PCDH11X: variants seen among roughly 807,000 people sequenced by gnomAD.
PCDH11X encodes the protein protocadherin-11 X-linked.
PCDH11X carries 18 observed loss-of-function variants against 53.3 expected under a neutral mutation model. The observed-to-expected ratio is 0.34, with a 90% CI of 0.23 to 0.50. The LOEUF is 0.50. PCDH11X is among the 20% of genes least tolerant of loss of function. PCDH11X has a pLI of 0.98. For synonymous variants in PCDH11X, 279 were observed against 393.3 expected (o/e 0.71, Z 3.44); for missense variants, 570 against 1,032.4 (o/e 0.55, Z 6.14).
rs780880701 is a variant in PCDH11X, at chrX:91,856,650, G to GA, written c.541-20131_541-20130insA. ...CAGTGTGTGGTGTTCCCCTCCCTGT[G>GA]TCCATGCGTTCTCGTTGTTCAGATC... On this transcript the variant is annotated intron_variant, in intron 5 of 10. Transcript: ENST00000682573. Among the ~76,000 whole-genome samples the GA allele has an allele frequency of 1.9e-4, 21 of 110,187 alleles. No homozygotes were observed. In the South Asian group the frequency reaches 7.5e-3, roughly 40 times the overall value.
chrX:92,343,084 G>A (rs1377377970), intron 8 of PCDH11X, among the ~76,000 whole-genome samples: 6 of 111,569 alleles, frequency 5.4e-5, no homozygotes, highest in African/African-American at 2.0e-4. Flanking sequence ...GTTGGCTTGG[G>A]ACTAAACACC....
chrX:92,336,785 C>A (rs1008046917), intron 8 of PCDH11X, among the ~76,000 whole-genome samples: 1 of 111,356 alleles, frequency 9.0e-6, no homozygotes, highest in African/African-American at 3.3e-5. Context: ...GAATTTTGAG[C>A]CAATTAGTTC....
chrX:92,404,253 A>AT (rs1312005019), intron 9 of PCDH11X, among the ~76,000 whole-genome samples: 1 of 103,941 alleles, frequency 9.6e-6, no homozygotes, highest in Non-Finnish European at 1.9e-5. Flanking sequence ...GTTTCTTTCA[A>AT]TATTGTCTGT....
At chrX:92,021,031 AG>A (rs1373149084) in intron 6 of PCDH11X, among the ~76,000 whole-genome samples, 1 of 108,641 alleles carries the variant, frequency 9.2e-6, no homozygotes, top group Non-Finnish European at 1.9e-5. Flanking sequence ...ACCCCATCCA[AG>A]GGTCAGCAGC....
chrX:92,615,338 C>T (rs1927848526), intron 10 of PCDH11X, among the ~76,000 whole-genome samples: 1 of 111,371 alleles, frequency 9.0e-6, no homozygotes, highest in Admixed American at 9.5e-5. Context: ...TGGATTTCTG[C>T]ATGGAGGTGG....
intron 5 of PCDH11X, among the ~76,000 whole-genome samples, chrX:91,850,900 T>A (rs1238037339): frequency 2.7e-5 from 3 of 111,484 alleles, no homozygotes; most frequent in African/African-American, 9.8e-5. Context: ...CTGTATACTG[T>A]TGAAGCATTT....
chrX:91,959,196 A>T (rs1356035623), intron 6 of PCDH11X, among the ~76,000 whole-genome samples: 8 of 107,402 alleles, frequency 7.4e-5, no homozygotes, highest in African/African-American at 2.7e-4. Flanking sequence ...GTTTATAATA[A>T]AGTGCACAGC....
chrX:92,366,432 A>G lies in PCDH11X; in HGVS notation c.3145-21303A>G, dbSNP rs758173244. On this transcript the variant is annotated intron_variant, in intron 8 of 10. Transcript: ENST00000682573. ...ATCTGTTTTTTAAAAAAATCTTTTCATAAAACCGGTTCCTGGATTCACTGA... is the reference window on the plus strand; with the variant it reads ...ATCTGTTTTTTAAAAAAATCTTTTCGTAAAACCGGTTCCTGGATTCACTGA... Among the ~76,000 whole-genome samples the G allele has an allele frequency of 9.0e-5, 10 of 110,689 alleles. No homozygotes were observed. In the East Asian group the frequency reaches 2.9e-3, roughly 32 times the overall value.
At chrX:91,913,964 A>G (rs901778826) in intron 6 of PCDH11X, among the ~76,000 whole-genome samples, 1 of 110,758 alleles carries the variant, frequency 9.0e-6, no homozygotes, top group Non-Finnish European at 1.9e-5. Context: ...AGCATACTAA[A>G]CATATTAACA....
intron 10 of PCDH11X, among the ~76,000 whole-genome samples, chrX:92,596,989 C>A (rs1304346980): frequency 1.8e-5 from 2 of 111,039 alleles, no homozygotes; most frequent in African/African-American, 6.5e-5. Context: ...ACATTCAATA[C>A]CCCTTAATGA....
At chrX:92,049,245 C>T (rs1468579486) in intron 6 of PCDH11X, among the ~76,000 whole-genome samples, 1 of 111,405 alleles carries the variant, frequency 9.0e-6, no homozygotes, top group African/African-American at 3.3e-5. Flanking sequence ...CCACAAGAGA[C>T]ATTGCAGGAT....
chrX:91,792,891 A>T (rs1376909414), intron 1 of PCDH11X, among the ~76,000 whole-genome samples: 1 of 109,846 alleles, frequency 9.1e-6, no homozygotes, highest in Non-Finnish European at 1.9e-5. Flanking sequence ...ACCCAAGAAC[A>T]TGCTTTGGTT....
chrX:92,470,371 T>C (rs1268710036), intron 10 of PCDH11X, among the ~76,000 whole-genome samples: 2 of 100,767 alleles, frequency 2.0e-5, no homozygotes, highest in African/African-American at 7.2e-5. Flanking sequence ...TTTTTCTAAA[T>C]ATAATATCAT....
chrX:92,500,117 C>G (rs1778307390), intron 10 of PCDH11X, among the ~76,000 whole-genome samples: 1 of 111,090 alleles, frequency 9.0e-6, no homozygotes, highest in Non-Finnish European at 1.9e-5. Flanking sequence ...TTCTTTGACA[C>G]ACAGAATAAA....
At chrX:92,263,239 T>A in intron 8 of PCDH11X, 96 bp downstream of exon 8, 1 of 707,669 alleles carries the variant, frequency 1.4e-6, no homozygotes, top group Non-Finnish European at 2.1e-6. Context: ...AAACTGTAAG[T>A]ACTTAGGATA....
chrX:92,534,626 A>G (rs1341487530), intron 10 of PCDH11X, among the ~76,000 whole-genome samples: 1 of 111,542 alleles, frequency 9.0e-6, no homozygotes, highest in Non-Finnish European at 1.9e-5. Context: ...GGTTGAAATG[A>G]AGGAAAAAAT....
At chrX:91,934,608 T>C (rs1370562491) in intron 6 of PCDH11X, among the ~76,000 whole-genome samples, 1 of 106,365 alleles carries the variant, frequency 9.4e-6, no homozygotes, top group Non-Finnish European at 1.9e-5. Flanking sequence ...CCTTATCCGA[T>C]TCTTCAAAAC....
intron 6 of PCDH11X, among the ~76,000 whole-genome samples, chrX:92,121,278 C>T (rs1219524435): frequency 3.6e-5 from 4 of 110,280 alleles, no homozygotes; most frequent in Non-Finnish European, 3.8e-5. Flanking sequence ...GCCTCAGCCT[C>T]CCAAGTAGCT....
chrX:91,909,444 T>C (rs988332507), intron 6 of PCDH11X, among the ~76,000 whole-genome samples: 3 of 107,456 alleles, frequency 2.8e-5, no homozygotes, highest in Non-Finnish European at 5.8e-5. Context: ...ATGCACCCAA[T>C]TGAAAATCCA....
Sources: gnomAD v4.1 joint callset for allele counts (sites outside exome capture counted in the v4.1 genomes callset) on GRCh38, gnomAD v4.1.1 for gene constraint, MANE v1.5 for transcripts, NCBI Gene and HGNC (gene_info 2026-07-23, HGNC 2026-07-21) for gene names.